The following TRDN variants were observed in gnomAD, a reference collection of about 807,000 sequenced individuals.
The protein encoded by TRDN is triadin.
A neutral mutation model predicts 149.7 loss-of-function variants in TRDN; 161 were observed. The ratio of observed to expected loss-of-function variants is 1.08; its 90% CI spans 0.95 to 1.23. The LOEUF (loss-of-function observed/expected upper bound fraction) is 1.23. TRDN is among the 50% of genes most tolerant of loss of function. The pLI, the probability that TRDN is intolerant of heterozygous loss-of-function variation, is 0.00. For synonymous variants in TRDN, 294 were observed against 250.5 expected (o/e 1.17, Z -1.64); for missense variants, 896 against 823.5 (o/e 1.09, Z -1.08).
chr6:123,253,251 C>A (rs1776439445), intron 37 of TRDN, among the ~76,000 whole-genome samples: 1 of 151,968 alleles, frequency 6.6e-6, no homozygotes, highest in Non-Finnish European at 1.5e-5. Flanking sequence ...AGCAGACATT[C>A]TAATTTCTTG....
intron 12 of TRDN, among the ~76,000 whole-genome samples, chr6:123,426,922 A>T (rs1762507946): frequency 6.6e-6 from 1 of 152,126 alleles, no homozygotes; most frequent in Non-Finnish European, 1.5e-5. Context: ...TCTAAAAAAT[A>T]ACCACAATTC....
At chr6:123,392,739 T>C (rs1772541134) in intron 13 of TRDN, among the ~76,000 whole-genome samples, 1 of 152,026 alleles carries the variant, frequency 6.6e-6, no homozygotes, top group Non-Finnish European at 1.5e-5. Context: ...CAAACCCATG[T>C]TACCAATATT....
intron 9 of TRDN, chr6:123,471,013 A>G (rs184668495): frequency 8.5e-5 from 13 of 152,320 alleles, no homozygotes; most frequent in Admixed American, 8.5e-4. Context: ...TAGCAACTAA[A>G]TAAGTTAAAA....
chr6:123,413,343 T>C (rs192992593), intron 12 of TRDN, among the ~76,000 whole-genome samples: 67 of 152,340 alleles, frequency 4.4e-4, no homozygotes, highest in Admixed American at 1.1e-3. Flanking sequence ...TCAGAGACTT[T>C]TATATGTCTG....
At chr6:123,612,967 A>G (rs9320945) in intron 1 of TRDN, among the ~76,000 whole-genome samples, 4,703 of 152,210 alleles carry the variant, frequency 0.031, 211 homozygotes, top group African/African-American at 0.1. Context: ...ATTTTTCTAT[A>G]ATTCCACCTA....
At chr6:123,287,479 G>A (rs1454404062) in intron 24 of TRDN, among the ~76,000 whole-genome samples, 2 of 152,130 alleles carry the variant, frequency 1.3e-5, no homozygotes, top group Admixed American at 6.6e-5. Context: ...ACCACTGTTT[G>A]ATAACCGTAG....
rs540717046 is a variant in TRDN at position 123,445,211 on chromosome 6, C to T, written c.932-6208G>A. On this transcript the variant is annotated intron_variant, in intron 10 of 40. Transcript: ENST00000334268. ...CACAATTTCAGATCCTGTTATTGGT[C>T]TATTCAGAGATTCAACTTCTTCCTG... The T allele has an allele frequency of 7.2e-5, 11 of 152,016 alleles. No individual in the cohort carries two copies. In the South Asian group the frequency reaches 2.3e-3, roughly 32 times the overall value. 9.4% of individuals were successfully genotyped at this position (152,016 alleles called of 1,614,324 possible).
intron 4 of TRDN, among the ~76,000 whole-genome samples, chr6:123,535,608 T>C (rs1780489459): frequency 6.6e-6 from 1 of 152,182 alleles, no homozygotes; most frequent in African/African-American, 2.4e-5. Context: ...ACTCTGACTT[T>C]CATGGTTTAT....
chr6:123,252,425 A>C lies in TRDN; in HGVS notation c.1962T>G (p.Pro654=), dbSNP rs1021493361. The part of the protein sequence containing the change: ...QLHNVTKAEK[P]ARVSKDVEDV... ...AACCGTACTTACTTGATACTCTTGCAGGTTTTTCTGCTAAAAAGAGAAAAT... is the reference window on the plus strand; with the variant it reads ...AACCGTACTTACTTGATACTCTTGCCGGTTTTTCTGCTAAAAAGAGAAAAT... The change falls in exon 38 of 41, where the codon CCT becomes CCG. Residue 654 remains proline, a synonymous_variant. Transcript: ENST00000334268. 4 of 1,521,886 alleles carry C rather than the reference A, an allele frequency of 2.6e-6. No individual in the cohort carries two copies. In the Admixed American group the frequency reaches 7.3e-5, roughly 28 times the overall value. The allele number at this position is 1,521,886 out of a possible 1,614,324, so 94.3% of individuals were successfully genotyped here. A position where few individuals can be genotyped will look rare whatever the true frequency, so the allele number is the denominator to read the frequency against.
intron 12 of TRDN, among the ~76,000 whole-genome samples, chr6:123,417,964 C>T (rs1773725870): frequency 6.6e-6 from 1 of 152,140 alleles, no homozygotes; most frequent in East Asian, 1.9e-4. Flanking sequence ...CCTTAAATCA[C>T]GTTTGTAACA....
intron 39 of TRDN, among the ~76,000 whole-genome samples, chr6:123,223,223 G>A (rs796749087): frequency 5.3e-5 from 8 of 151,768 alleles, no homozygotes; most frequent in African/African-American, 1.9e-4. Context: ...CACTTAAAGT[G>A]GGAGCTAAAT....
At chr6:123,393,700 T>C in intron 12 of TRDN, 23 bp from the exon 13 acceptor site, 4 of 1,591,058 alleles carry the variant, frequency 2.5e-6, no homozygotes, top group Non-Finnish European at 3.4e-6. Context: ...AAAACATAAA[T>C]TACCATGAAG....
chr6:123,393,877 T>C (rs947118205), intron 12 of TRDN, among the ~76,000 whole-genome samples, 200 bp from the exon 13 acceptor site: 2 of 152,138 alleles, frequency 1.3e-5, no homozygotes, highest in Admixed American at 1.3e-4. Flanking sequence ...CTGAAGCAAT[T>C]TAAATCATAA....
rs1469866609 is a variant in TRDN, at chr6:123,265,340, TA to T, written c.1784-3del. On this transcript the variant is annotated splice_region_variant and splice_polypyrimidine_tract_variant and intron_variant, in intron 32 of 40. Transcript: ENST00000334268. The stretch of plus-strand genomic sequence containing the variant: ...TACTTGGAGTTGGTTTTGGTTTGTC[TA>T]AAAAGGAAAAAAGAAAAAAAAAGAA... 7 of 1,423,088 alleles carry T rather than the reference TA, an allele frequency of 4.9e-6. No homozygotes were observed. The highest frequency in any genetic ancestry group is 2.6e-5 in the Admixed American group (1 of 37,736). The allele number at this position is 1,423,088 out of a possible 1,614,324, so 88.2% of individuals were successfully genotyped here. A position where few individuals can be genotyped will look rare whatever the true frequency, so the allele number is the denominator to read the frequency against.
chr6:123,619,893 T>G (rs1157196560), intron 1 of TRDN, among the ~76,000 whole-genome samples: 1 of 151,988 alleles, frequency 6.6e-6, no homozygotes, highest in Non-Finnish European at 1.5e-5. Context: ...TCCAGAGAAA[T>G]AGCTGATTAT....
intron 9 of TRDN, among the ~76,000 whole-genome samples, chr6:123,494,037 C>T (rs1450188161): frequency 6.6e-6 from 1 of 152,108 alleles, no homozygotes; most frequent in Non-Finnish European, 1.5e-5. Flanking sequence ...TTTTCAACTC[C>T]TGGACAAGAA....
chr6:123,407,598 T>G (rs1178258643), intron 12 of TRDN, among the ~76,000 whole-genome samples: 2 of 152,148 alleles, frequency 1.3e-5, no homozygotes, highest in Non-Finnish European at 2.9e-5. Flanking sequence ...CATCTTGTTT[T>G]TTTCTTTTGG....
In TRDN at chr6:123,519,477, T is replaced by G. The variant is rs1486094327; in HGVS notation, c.485-3271A>C. Among the ~76,000 whole-genome samples, 3 of 57,122 alleles carry G rather than the reference T, an allele frequency of 5.3e-5. No homozygotes were observed. In the East Asian group the frequency reaches 2.6e-3, roughly 50 times the overall value. 37.5% of individuals were successfully genotyped at this position (57,122 alleles called of 152,430 possible). A position where few individuals can be genotyped will look rare whatever the true frequency, so the allele number is the denominator to read the frequency against. On this transcript the variant is annotated intron_variant, in intron 5 of 40. Transcript: ENST00000334268. ...CATAATCTGCCTGACCCTGTGGTTT[T>G]TTTTTTTTTTTTTTAAACAGGGAAA...
intron 14 of TRDN, among the ~76,000 whole-genome samples, chr6:123,382,704 A>G (rs1781765904): frequency 6.6e-6 from 1 of 151,996 alleles, no homozygotes; most frequent in Non-Finnish European, 1.5e-5. Context: ...TGAATACATC[A>G]CTATATTTAT....
Sources: gnomAD v4.1 joint callset for allele counts (sites outside exome capture counted in the v4.1 genomes callset) on GRCh38, gnomAD v4.1.1 for gene constraint, MANE v1.5 for transcripts, NCBI Gene and HGNC (gene_info 2026-07-23, HGNC 2026-07-21) for gene names.